GNAS: variants seen among roughly 807,000 people sequenced by gnomAD.
GNAS encodes GNAS complex locus, also known as protein ALEX.
Under a neutral mutation model 54.5 loss-of-function variants are expected in GNAS, and 8 were observed. That is an observed-to-expected ratio of 0.15 (90% CI 0.09 to 0.26). The LOEUF is 0.26. Among genes scored for constraint, GNAS ranks in the 10% least tolerant of loss-of-function variants. The probability of loss-of-function intolerance (pLI) is 1.00; values close to 1 mark genes in which losing one functional copy is unlikely to be tolerated. For missense variants in GNAS, 170 were observed against 529.8 expected, an observed-to-expected ratio of 0.32 and a Z score of 6.67; for synonymous variants, 204 against 191.4, an observed-to-expected ratio of 1.07 and a Z score of -0.54.
chr20:58,864,930 C>CACAT (rs758756822), intron 1 of GNAS, among the ~76,000 whole-genome samples: 2 of 132,336 alleles, frequency 1.5e-5, no homozygotes, highest in African/African-American at 5.9e-5. Flanking sequence ...ACCTACCAGA[C>CACAT]ACACACACAC....
chr20:58,854,658 C>A, intron 1 of GNAS: 1 of 1,529,886 alleles, frequency 6.5e-7, no homozygotes, highest in Non-Finnish European at 8.7e-7. Context: ...CCCAGCCGAT[C>A]CAGATGCCGG....
chr20:58,909,514 C>A lies in GNAS; in HGVS notation c.660-7C>A, dbSNP rs1301522175. On this transcript the variant is annotated splice_polypyrimidine_tract_variant and splice_region_variant and intron_variant, in intron 8 of 12. Transcript: ENST00000371085. This position sits in a 1 kb window ranked among gnomAD's most constrained non-coding sequence, Gnocchi z 7.3. ...CTGGAATAACCAGCTGTCCTCCTCCCCACCAGCATGTTTGACGTGGGTGGC... is the reference window on the plus strand; with the variant it reads ...CTGGAATAACCAGCTGTCCTCCTCCACACCAGCATGTTTGACGTGGGTGGC... 2 of 1,613,962 alleles carry A rather than the reference C, an allele frequency of 1.2e-6. No individual in the cohort carries two copies. Among genetic ancestry groups the A allele is most frequent in the Non-Finnish European group, 1.7e-6 (2 of 1,179,914 alleles).
At chr20:58,891,950 GC>G in intron 1 of GNAS, 85 bp downstream of exon 1, 4 of 844,730 alleles carry the variant, frequency 4.7e-6, no homozygotes, top group Non-Finnish European at 5.7e-6. Context: ...CCCGCCCCCC[GC>G]CCCGGGCGCG....
At chr20:58,861,816 C>T (rs1447403159) in intron 1 of GNAS, among the ~76,000 whole-genome samples, 1 of 152,138 alleles carries the variant, frequency 6.6e-6, no homozygotes, top group Non-Finnish European at 1.5e-5. Flanking sequence ...AGCGATTCTC[C>T]TGCCTCAGCC....
At chr20:58,861,543 A>T (rs1432201955) in intron 1 of GNAS, among the ~76,000 whole-genome samples, 1 of 152,136 alleles carries the variant, frequency 6.6e-6, no homozygotes, top group Non-Finnish European at 1.5e-5. Flanking sequence ...TTTAGGAAGG[A>T]AGAGGAGAAT....
intron 2 of GNAS, 138 bp downstream of exon 2, chr20:58,895,822 C>G (rs548223560): frequency 1.5e-6 from 1 of 686,490 alleles, no homozygotes; most frequent in Non-Finnish European, 2.7e-6. Context: ...ATTAGAAAAT[C>G]CTGGGAAGGG....
intron 1 of GNAS, among the ~76,000 whole-genome samples, chr20:58,864,310 A>G (rs1308421490): frequency 6.6e-6 from 1 of 152,074 alleles, no homozygotes; most frequent in African/African-American, 2.4e-5. Flanking sequence ...CAAAAGACAG[A>G]CCTTATTTAT....
chr20:58,859,912 TCG>T (rs2145617215), intron 1 of GNAS, among the ~76,000 whole-genome samples: 1 of 152,304 alleles, frequency 6.6e-6, no homozygotes, highest in African/African-American at 2.4e-5. Flanking sequence ...GCATGAGCCA[TCG>T]CGCCCGGCCA....
chr20:58,896,496 C>G (rs532801764), intron 2 of GNAS, among the ~76,000 whole-genome samples: 14 of 151,982 alleles, frequency 9.2e-5, no homozygotes, highest in Non-Finnish European at 1.3e-4. Context: ...ACCTGTGAGA[C>G]GAGTTAGGAA....
At chr20:58,906,808 G>A (rs2091094750) in intron 6 of GNAS, among the ~76,000 whole-genome samples, 1 of 152,186 alleles carries the variant, frequency 6.6e-6, no homozygotes, top group Non-Finnish European at 1.5e-5. Flanking sequence ...GGGATTACAG[G>A]CATGAGCCAC....
intron 1 of GNAS, among the ~76,000 whole-genome samples, chr20:58,894,600 A>G (rs1175034070): frequency 1.3e-5 from 2 of 152,366 alleles, no homozygotes; most frequent in Non-Finnish European, 1.5e-5. Context: ...GTGCATTGCA[A>G]AAAAGATGCA....
chr20:58,855,034 G>T (rs746362206), intron 1 of GNAS: 2 of 1,612,934 alleles, frequency 1.2e-6, no homozygotes, highest in Non-Finnish European at 1.7e-6. Flanking sequence ...GGATGCCTCC[G>T]CTGGTTTCAG....
chr20:58,859,089 G>C (rs983914147), intron 1 of GNAS, among the ~76,000 whole-genome samples: 1 of 152,182 alleles, frequency 6.6e-6, no homozygotes, highest in Non-Finnish European at 1.5e-5. Context: ...TAAGCAAAAA[G>C]AATTGGGGGT....
chr20:58,879,808 A>T (rs1269149161), intron 1 of GNAS, among the ~76,000 whole-genome samples: 1 of 152,208 alleles, frequency 6.6e-6, no homozygotes, highest in Non-Finnish European at 1.5e-5. Flanking sequence ...CATCACTGTC[A>T]GAATCTGGTG....
In GNAS at chr20:58,853,944, G is replaced by A; in HGVS notation, c.43+13058G>A. The A allele has an allele frequency of 6.2e-7, 1 of 1,611,972 alleles. No homozygotes were observed. Among genetic ancestry groups the A allele is most frequent in the Non-Finnish European group, 8.5e-7 (1 of 1,179,578 alleles). On this transcript the variant is annotated intron_variant, in intron 1 of 12. Transcript: ENST00000306090. The surrounding 1 kb of genome is among the most constrained non-coding windows in gnomAD (Gnocchi z 4.4). ...TCCCCCTGAGGAGACTATGCCATTT[G>A]AGCTTGATGGAGAAGGATTTGGGGA...
At chr20:58,842,723 T>C (rs974942623) in intron 1 of GNAS, among the ~76,000 whole-genome samples, 1 of 152,188 alleles carries the variant, frequency 6.6e-6, no homozygotes, top group African/African-American at 2.4e-5. Context: ...TGACATTAAG[T>C]GTTCAGTTTT....
upstream of GNAS, chr20:58,888,964 A>T: frequency 1.8e-6 from 1 of 556,412 alleles, no homozygotes; most frequent in Non-Finnish European, 2.3e-6. Context: ...GCCCCCCGCC[A>T]TCGCGGCCCC....
At chr20:58,885,286 G>A (rs1303903952) in intron 1 of GNAS, among the ~76,000 whole-genome samples, 1 of 152,154 alleles carries the variant, frequency 6.6e-6, no homozygotes. Context: ...AAGAAGGGCT[G>A]CAAAACGTCC....
chr20:58,868,723 T>C (rs2087225883), intron 1 of GNAS, among the ~76,000 whole-genome samples: 1 of 152,184 alleles, frequency 6.6e-6, no homozygotes, highest in African/African-American at 2.4e-5. Context: ...GTTTTCTCGC[T>C]CTCTCACTCT....
Sources: gnomAD v4.1 joint callset for allele counts (sites outside exome capture counted in the v4.1 genomes callset) on GRCh38, gnomAD v4.1.1 for gene constraint, Gnocchi (gnomAD v3.1) non-coding constraint, MANE v1.5 for transcripts, NCBI Gene and HGNC (gene_info 2026-07-23, HGNC 2026-07-21) for gene names.